The following EVL variants were observed in gnomAD, a reference collection of about 807,000 sequenced individuals.
EVL encodes the protein ena/VASP-like protein.
In EVL, 21 loss-of-function variants were observed where a neutral mutation model predicts 59.6. The observed-to-expected ratio is 0.35, with a 90% CI of 0.25 to 0.51. The LOEUF (loss-of-function observed/expected upper bound fraction) is 0.51. Among genes scored for constraint, EVL ranks in the 20% least tolerant of loss-of-function variants. EVL has a pLI of 0.97. For synonymous variants in EVL, 198 were observed against 203.5 expected (o/e 0.97, Z 0.23); for missense variants, 462 against 546.6 (o/e 0.85, Z 1.54).
chr14:100,091,832 C>A (rs1400726921), intron 2 of EVL, among the ~76,000 whole-genome samples: 1 of 152,190 alleles, frequency 6.6e-6, no homozygotes, highest in East Asian at 1.9e-4. Flanking sequence ...GGGACTCAGC[C>A]CTCAACCCGT....
intron 8 of EVL, chr14:100,135,616 G>T (rs1201614041): frequency 8.3e-6 from 3 of 362,920 alleles, no homozygotes; most frequent in Non-Finnish European, 1.0e-5. Flanking sequence ...CCCAAGGGGG[G>T]CTCAGGGCTT....
intron 11 of EVL, 80 bp from the exon 12 acceptor site, chr14:100,141,100 C>T (rs951242555): frequency 4.9e-6 from 7 of 1,442,172 alleles, no homozygotes; most frequent in East Asian, 4.7e-5. Context: ...GTGGGCCCAG[C>T]CTGAGCGGGG....
intron 2 of EVL, among the ~76,000 whole-genome samples, chr14:100,094,465 G>T (rs1885663138): frequency 6.6e-6 from 1 of 152,194 alleles, no homozygotes; most frequent in African/African-American, 2.4e-5. Context: ...TTCTAGGCCA[G>T]GCCCAGTGGC....
chr14:100,116,109 C>T (rs544816714), intron 3 of EVL, among the ~76,000 whole-genome samples: 1 of 152,296 alleles, frequency 6.6e-6, no homozygotes, highest in East Asian at 1.9e-4. Context: ...ACTCCATTCT[C>T]GCTTAGACAC....
intron 3 of EVL, among the ~76,000 whole-genome samples, chr14:100,103,871 G>A (rs1277144956): frequency 6.6e-6 from 1 of 152,208 alleles, no homozygotes; most frequent in East Asian, 1.9e-4. Context: ...GGGCAAGGAG[G>A]TATGTGCTTT....
At chr14:100,057,137 T>C (rs1443609151) in intron 1 of EVL, among the ~76,000 whole-genome samples, 2 of 152,194 alleles carry the variant, frequency 1.3e-5, no homozygotes, top group Admixed American at 1.3e-4. Context: ...AGGACAACTG[T>C]GTTTACAAGG....
chr14:100,061,244 CAAAATACAA>C (rs1156935363), upstream of EVL, among the ~76,000 whole-genome samples: 1 of 150,798 alleles, frequency 6.6e-6, no homozygotes, highest in Non-Finnish European at 1.5e-5. Context: ...ACAAAAATTA[CAAAATACAA>C]AAAATACAAA....
At chr14:100,071,541 A>C (rs1451254975) in intron 1 of EVL, among the ~76,000 whole-genome samples, 1 of 152,234 alleles carries the variant, frequency 6.6e-6, no homozygotes, top group Non-Finnish European at 1.5e-5. Context: ...AAAAATTATT[A>C]GTTTTAATTT....
intron 1 of EVL, among the ~76,000 whole-genome samples, chr14:100,082,989 G>A (rs188116353): frequency 6.6e-6 from 1 of 152,186 alleles, no homozygotes; most frequent in Non-Finnish European, 1.5e-5. Context: ...TGAAGGGCGT[G>A]CTTCCATGGC....
At position 100,132,634 on chromosome 14, in the gene EVL, G is replaced by C; in HGVS notation, c.840-85G>C. The C allele has an allele frequency of 4.8e-6, 7 of 1,452,428 alleles. 1 individual carries two copies. The South Asian group carries it at 8.0e-5, about 17-fold the overall frequency. The allele number at this position is 1,452,428 out of a possible 1,614,324, so 90.0% of individuals were successfully genotyped here. A position where few individuals can be genotyped will look rare whatever the true frequency, so the allele number is the denominator to read the frequency against. On this transcript the variant is annotated intron_variant, in intron 7 of 13. Coordinates refer to ENST00000392920, the MANE Select transcript of EVL (RefSeq NM_016337.3). ...CAGGTTTATCTGAGGACCGGGGTGAGTCTGGCAGGGTGGAGGCAGAAGAGT... is the reference window on the plus strand; with the variant it reads ...CAGGTTTATCTGAGGACCGGGGTGACTCTGGCAGGGTGGAGGCAGAAGAGT...
chr14:100,080,446 G>C (rs767028771), intron 1 of EVL, among the ~76,000 whole-genome samples: 2 of 152,214 alleles, frequency 1.3e-5, no homozygotes, highest in African/African-American at 2.4e-5. Flanking sequence ...CGAGTACTCA[G>C]CGCTTGTCTG....
chr14:100,004,265 T>C (rs1003647567), intron 1 of EVL, among the ~76,000 whole-genome samples: 1 of 151,732 alleles, frequency 6.6e-6, no homozygotes, highest in Non-Finnish European at 1.5e-5. Context: ...CAAACAGAAC[T>C]CAAGGGAAAA....
chr14:100,045,450 C>G (rs946798418), intron 1 of EVL, among the ~76,000 whole-genome samples: 1 of 152,178 alleles, frequency 6.6e-6, no homozygotes, highest in African/African-American at 2.4e-5. Context: ...GAGCAGGTCA[C>G]GTAATAGGCG....
intron 1 of EVL, among the ~76,000 whole-genome samples, chr14:100,054,049 CTTTTTTTTT>C (rs11302582): frequency 3.3e-5 from 2 of 61,256 alleles, no homozygotes; most frequent in Admixed American, 2.5e-4. Context: ...TATTTTTGGA[CTTTTTTTTT>C]TTTTTTTTTT....
intron 1 of EVL, among the ~76,000 whole-genome samples, chr14:100,015,291 C>T (rs754249493): frequency 1.3e-5 from 2 of 152,204 alleles, no homozygotes; most frequent in Admixed American, 6.5e-5. Context: ...GGTTGCAAAA[C>T]GAAGGTACCG....
At chr14:100,054,045 T>C (rs1437581014) in intron 1 of EVL, among the ~76,000 whole-genome samples, 1 of 144,274 alleles carries the variant, frequency 6.9e-6, no homozygotes, top group Non-Finnish European at 1.5e-5. Flanking sequence ...TTATTATTTT[T>C]GGACTTTTTT....
intron 11 of EVL, chr14:100,139,955 C>G (rs1419064298): frequency 6.6e-6 from 1 of 152,242 alleles, no homozygotes; most frequent in African/African-American, 2.4e-5. Context: ...GCATGTGTGA[C>G]ACATTAACAT....
chr14:99,986,583 A>G (rs947476915), intron 1 of EVL, among the ~76,000 whole-genome samples: 2 of 152,242 alleles, frequency 1.3e-5, no homozygotes, highest in African/African-American at 4.8e-5. Context: ...GTGATGAGGC[A>G]GCATGACTGT....
chr14:100,119,894 A>G (rs774429726), intron 3 of EVL, among the ~76,000 whole-genome samples: 1 of 152,144 alleles, frequency 6.6e-6, no homozygotes, highest in Non-Finnish European at 1.5e-5. Context: ...GAACAAGACA[A>G]TTAAGATGTG....
Sources: allele counts gnomAD v4.1 joint callset (sites outside exome capture counted in the v4.1 genomes callset), GRCh38; gene constraint gnomAD v4.1.1; transcripts MANE v1.5; gene names NCBI Gene and HGNC (gene_info 2026-07-23, HGNC 2026-07-21).